PHF24: variants seen among roughly 807,000 people sequenced by gnomAD.
PHF24 encodes PHD finger protein 24.
PHF24 carries 25 observed loss-of-function variants against 42.6 expected under a neutral mutation model. The ratio of observed to expected loss-of-function variants is 0.59; its 90% CI spans 0.43 to 0.82. The LOEUF is 0.82. PHF24 is among the 40% of genes least tolerant of loss of function. PHF24 has a pLI of 0.00. For synonymous variants in PHF24, 185 were observed against 204.8 expected, an observed-to-expected ratio of 0.90 and a Z score of 0.83; for missense variants, 470 against 538.1, an observed-to-expected ratio of 0.87 and a Z score of 1.25.
At chr9:34,869,456 G>T in the PHF24 span, among the ~76,000 whole-genome samples, 23 of 152,138 alleles carry the variant, frequency 1.5e-4, no homozygotes, top group African/African-American at 5.3e-4. Context: ...TCTGACTGAC[G>T]TGAGATGTTA....
chr9:34,676,912 A>G, the PHF24 span, among the ~76,000 whole-genome samples: 1 of 152,210 alleles, frequency 6.6e-6, no homozygotes, highest in African/African-American at 2.4e-5. Flanking sequence ...GGGTGGGGCT[A>G]AGCCCTCCAT....
chr9:34,977,983 C>T, intron 7 of PHF24, 32 bp from the exon 8 acceptor site: 2 of 1,553,196 alleles, frequency 1.3e-6, no homozygotes, highest in Non-Finnish European at 1.8e-6. Context: ...TTCAAACCAG[C>T]CTCACGACTC....
the PHF24 span, among the ~76,000 whole-genome samples, chr9:34,735,109 A>G: frequency 3.8e-3 from 583 of 151,540 alleles, 5 homozygotes; most frequent in African/African-American, 0.013. Context: ...ACTCTCTTAC[A>G]ATAGATGTCC....
chr9:34,901,003 C>T, the PHF24 span, among the ~76,000 whole-genome samples: 9 of 152,272 alleles, frequency 5.9e-5, no homozygotes, highest in Admixed American at 2.6e-4. Context: ...ATTTGAAAGA[C>T]ACAAACTATC....
At chr9:34,734,666 T>C in the PHF24 span, among the ~76,000 whole-genome samples, 1 of 152,192 alleles carries the variant, frequency 6.6e-6, no homozygotes, top group Non-Finnish European at 1.5e-5. Context: ...CCAGACCTCC[T>C]CTACCTTTGT....
the PHF24 span, among the ~76,000 whole-genome samples, chr9:34,764,956 T>C: frequency 5.3e-5 from 8 of 152,006 alleles, no homozygotes; most frequent in South Asian, 2.1e-4. Context: ...TTTCGTTATG[T>C]ACCCAGTAGT....
chr9:34,923,017 C>T, the PHF24 span: 15 of 542,736 alleles, frequency 2.8e-5, no homozygotes, highest in East Asian at 6.4e-5. Flanking sequence ...GGCTCCGGCC[C>T]GCCTAGACCC....
At chr9:34,971,664 G>T (rs1444219110) in exon 2 of PHF24, 2 of 1,609,468 alleles carry the variant, frequency 1.2e-6, no homozygotes, top group Non-Finnish European at 1.7e-6. Flanking sequence ...TCTGCCTGGA[G>T]CCCAGAGAGC....
the PHF24 span, among the ~76,000 whole-genome samples, chr9:34,685,131 G>A: frequency 7.3e-4 from 111 of 152,154 alleles, no homozygotes; most frequent in Non-Finnish European, 1.2e-3. Context: ...GCCACCTGCC[G>A]ATCAGACGCC....
chr9:34,970,144 T>A (rs550241653), intron 1 of PHF24, among the ~76,000 whole-genome samples: 18 of 152,300 alleles, frequency 1.2e-4, no homozygotes, highest in African/African-American at 4.3e-4. Context: ...TGCTCCACTT[T>A]ACTTAGAAAA....
chr9:34,689,583 C>T, the PHF24 span: 2 of 547,522 alleles, frequency 3.7e-6, no homozygotes. The surrounding 1 kb of genome is among the most constrained non-coding windows in gnomAD (Gnocchi z 4.1). Context: ...GTTGTAAACA[C>T]CAGGCGGCTT....
chr9:34,728,580 G>A, the PHF24 span: 2 of 1,548,414 alleles, frequency 1.3e-6, no homozygotes, highest in South Asian at 1.2e-5. Flanking sequence ...CACAGTGGAA[G>A]GGAGTCAGAG....
chr9:34,745,974 T>C, the PHF24 span, among the ~76,000 whole-genome samples: 1 of 152,126 alleles, frequency 6.6e-6, no homozygotes, highest in East Asian at 1.9e-4. Flanking sequence ...TGAGGAATTA[T>C]GGGGTCAAGA....
the PHF24 span, among the ~76,000 whole-genome samples, chr9:34,693,924 C>T: frequency 1.3e-5 from 2 of 152,036 alleles, no homozygotes; most frequent in Non-Finnish European, 2.9e-5. Context: ...TTCTTATGGG[C>T]AGATGTACTA....
chr9:34,973,037 T>C (rs916638229), intron 3 of PHF24, among the ~76,000 whole-genome samples: 1 of 152,102 alleles, frequency 6.6e-6, no homozygotes, highest in African/African-American at 2.4e-5. Flanking sequence ...CCAAGTGCAT[T>C]GTAGGATGTT....
the PHF24 span, among the ~76,000 whole-genome samples, chr9:34,739,706 G>A: frequency 6.6e-6 from 1 of 152,184 alleles, no homozygotes; most frequent in Non-Finnish European, 1.5e-5. Flanking sequence ...TGCACCCAAA[G>A]AGTGAGCACC....
At chr9:34,832,032 C>T in the PHF24 span, among the ~76,000 whole-genome samples, 7 of 152,194 alleles carry the variant, frequency 4.6e-5, no homozygotes, top group Admixed American at 4.6e-4. Context: ...AAGCTCCTTC[C>T]CTAGACAGGA....
the PHF24 span, among the ~76,000 whole-genome samples, chr9:34,750,531 TA>T: frequency 7.2e-6 from 1 of 139,478 alleles, no homozygotes; most frequent in Non-Finnish European, 1.6e-5. Context: ...AATAAATAAA[TA>T]AATAAATAAA....
chr9:34,730,656 C>G, the PHF24 span, among the ~76,000 whole-genome samples: 1 of 152,232 alleles, frequency 6.6e-6, no homozygotes, highest in South Asian at 2.1e-4. Flanking sequence ...TACAAATAGA[C>G]TTATATACTC....
Sources: allele counts gnomAD v4.1 joint callset (sites outside exome capture counted in the v4.1 genomes callset), GRCh38; gene constraint gnomAD v4.1.1; non-coding constraint Gnocchi (gnomAD v3.1); transcripts MANE v1.5; gene names NCBI Gene and HGNC (gene_info 2026-07-23, HGNC 2026-07-21).